Variants in METTL15 observed in about 807,000 individuals in gnomAD.
METTL15 encodes methyltransferase 15, mitochondrial 12S rRNA N4-cytidine.
Under a neutral mutation model 38.3 loss-of-function variants are expected in METTL15, and 34 were observed. The observed-to-expected ratio is 0.89, with a 90% CI of 0.68 to 1.18. The LOEUF is 1.18. Among genes scored for constraint, METTL15 ranks in the 50% most tolerant of loss-of-function variants. The pLI, the probability that METTL15 is intolerant of heterozygous loss-of-function variation, is 0.00. For missense variants in METTL15, 438 were observed against 498.4 expected (o/e 0.88, Z 1.15); for synonymous variants, 162 against 170.9 (o/e 0.95, Z 0.41).
chr11:28,294,401 C>A (rs978835206), intron 5 of METTL15, among the ~76,000 whole-genome samples: 1 of 152,126 alleles, frequency 6.6e-6, no homozygotes, highest in Admixed American at 6.6e-5. Flanking sequence ...GTGATGAAGA[C>A]GGATGCAAGA....
At chr11:28,366,082 T>C (rs1202565837) in intron 5 of METTL15, among the ~76,000 whole-genome samples, 1 of 151,804 alleles carries the variant, frequency 6.6e-6, no homozygotes, top group African/African-American at 2.4e-5. Context: ...TAAGTAAAGA[T>C]CCCATTGTCA....
At chr11:28,360,651 G>GTC (rs1850128807) in intron 4 of METTL15, among the ~76,000 whole-genome samples, 2 of 151,934 alleles carry the variant, frequency 1.3e-5, no homozygotes, top group Non-Finnish European at 2.9e-5. Context: ...TGTGTAAAGT[G>GTC]TCTCTCTCTC....
intron 6 of METTL15, among the ~76,000 whole-genome samples, chr11:28,515,296 A>G (rs982982564): frequency 6.6e-6 from 1 of 152,234 alleles, no homozygotes; most frequent in Non-Finnish European, 1.5e-5. Flanking sequence ...ACCTTGTACT[A>G]GTATCATGTA....
chr11:28,431,789 T>TAAAAAAAAAAAAAAAA (rs1564929855), intron 6 of METTL15, among the ~76,000 whole-genome samples: 1 of 9,948 alleles, frequency 1.0e-4, no homozygotes, highest in African/African-American at 1.9e-4. Context: ...AAAAATAAAT[T>TAAAAAAAAAAAAAAAA]TAAAAAAAAA....
At chr11:28,450,202 G>A (rs1283134915) in intron 6 of METTL15, among the ~76,000 whole-genome samples, 1 of 152,126 alleles carries the variant, frequency 6.6e-6, no homozygotes, top group Non-Finnish European at 1.5e-5. Context: ...GCCGACGGAG[G>A]TCTTAGCTTT....
intron 5 of METTL15, among the ~76,000 whole-genome samples, chr11:28,399,523 T>A (rs1430262242): frequency 6.6e-6 from 1 of 151,942 alleles, no homozygotes; most frequent in African/African-American, 2.4e-5. Flanking sequence ...AAGAGGATTT[T>A]TAAACAATCA....
At chr11:28,489,708 A>G (rs1040458489) in intron 6 of METTL15, among the ~76,000 whole-genome samples, 3 of 152,188 alleles carry the variant, frequency 2.0e-5, no homozygotes, top group African/African-American at 4.8e-5. Flanking sequence ...TCTACTAGGT[A>G]TGTAACCTTG....
At chr11:28,156,776 CTT>C (rs1470565360) in intron 3 of METTL15, among the ~76,000 whole-genome samples, 1 of 152,064 alleles carries the variant, frequency 6.6e-6, no homozygotes, top group Non-Finnish European at 1.5e-5. Flanking sequence ...AACTGAAAAA[CTT>C]ATAAATGATA....
intron 2 of METTL15, among the ~76,000 whole-genome samples, chr11:28,112,104 G>C (rs1851743834): frequency 6.6e-6 from 1 of 152,100 alleles, no homozygotes; most frequent in South Asian, 2.1e-4. Context: ...TATTACGTGT[G>C]ATCAGCTTTT....
At chr11:28,298,870 C>T (rs561648613) in intron 6 of METTL15, among the ~76,000 whole-genome samples, 15 of 151,966 alleles carry the variant, frequency 9.9e-5, no homozygotes, top group Admixed American at 2.6e-4. Flanking sequence ...TCATTTTGTG[C>T]TCATTTATTC....
At position 28,311,257 on chromosome 11, in the gene METTL15, A is replaced by G. The variant is rs569932676; in HGVS notation, c.778+14326A>G. On this transcript the variant is annotated intron_variant, in intron 6 of 6. Transcript: ENST00000407364. ...AGAGAAACAGGCAATAAATATTCAA[A>G]TCATTCAAATAAATGTGTAATTATC... 4.3e-4 allele frequency among the ~76,000 whole-genome samples: 66 copies of G among 152,306 alleles called. No homozygotes were observed. The South Asian group carries it at 0.011, about 25-fold the overall frequency.
intron 3 of METTL15, among the ~76,000 whole-genome samples, chr11:28,141,804 A>G (rs754119033): frequency 1.3e-5 from 2 of 152,232 alleles, no homozygotes; most frequent in Non-Finnish European, 2.9e-5. Context: ...TTACAGCTTA[A>G]CAGAATTTAG....
At chr11:28,143,231 C>T (rs1038005143) in intron 3 of METTL15, among the ~76,000 whole-genome samples, 7 of 151,980 alleles carry the variant, frequency 4.6e-5, no homozygotes, top group African/African-American at 1.2e-4. Context: ...CAAAGATTTA[C>T]CAGATTTAAT....
intron 5 of METTL15, among the ~76,000 whole-genome samples, chr11:28,386,077 T>C (rs1850437582): frequency 6.6e-6 from 1 of 151,948 alleles, no homozygotes; most frequent in African/African-American, 2.4e-5. Flanking sequence ...TTATGTAATC[T>C]CCATGGTGAC....
chr11:28,232,591 AT>A (rs1853732088), intron 4 of METTL15, among the ~76,000 whole-genome samples: 2 of 151,778 alleles, frequency 1.3e-5, no homozygotes, highest in Admixed American at 6.6e-5. Context: ...GAACACGTTT[AT>A]TTATTTTGTG....
chr11:28,434,218 TCTC>T (rs1351863182), intron 6 of METTL15, among the ~76,000 whole-genome samples: 4 of 152,198 alleles, frequency 2.6e-5, no homozygotes, highest in East Asian at 1.9e-4. Context: ...CTCTTATTCT[TCTC>T]CTTCCTGCCA....
chr11:28,408,379 C>T (rs965322081), intron 5 of METTL15, among the ~76,000 whole-genome samples: 1 of 152,040 alleles, frequency 6.6e-6, no homozygotes, highest in African/African-American at 2.4e-5. Context: ...TAGCTAAAAC[C>T]ACCTCTGTTT....
chr11:28,220,506 T>C (rs1200692066), intron 4 of METTL15, among the ~76,000 whole-genome samples: 1 of 152,202 alleles, frequency 6.6e-6, no homozygotes, highest in Non-Finnish European at 1.5e-5. Context: ...GAGTCTTGAC[T>C]CTTTATCCAA....
At chr11:28,434,388 A>G (rs1850963429) in intron 6 of METTL15, among the ~76,000 whole-genome samples, 1 of 152,224 alleles carries the variant, frequency 6.6e-6, no homozygotes, top group Non-Finnish European at 1.5e-5. Context: ...AGAATAAACT[A>G]AGGCAGATGG....
Sources: allele counts gnomAD v4.1 joint callset (sites outside exome capture counted in the v4.1 genomes callset), GRCh38; gene constraint gnomAD v4.1.1; transcripts MANE v1.5; gene names NCBI Gene and HGNC (gene_info 2026-07-23, HGNC 2026-07-21).